Variants in HOOK1 observed in about 807,000 individuals in gnomAD.
HOOK1 encodes hook microtubule tethering protein 1.
HOOK1 carries 60 observed loss-of-function variants against 112.8 expected under a neutral mutation model. The ratio of observed to expected loss-of-function variants is 0.53; its 90% CI spans 0.43 to 0.66. The LOEUF (loss-of-function observed/expected upper bound fraction) is 0.66. Among genes scored for constraint, HOOK1 ranks in the 30% least tolerant of loss-of-function variants. The probability of loss-of-function intolerance (pLI) is 0.00; values close to 1 mark genes in which losing one functional copy is unlikely to be tolerated. For synonymous variants in HOOK1, 294 were observed against 283.8 expected (o/e 1.04, Z -0.36); for missense variants, 770 against 856.0 (o/e 0.90, Z 1.25).
At position 59,855,960 on chromosome 1, in the gene HOOK1, AAATTAT is replaced by A. The variant is rs1221084506; in HGVS notation, c.1243-2467_1243-2462del. On this transcript the variant is annotated intron_variant, in intron 12 of 21. Coordinates refer to ENST00000371208, the MANE Select transcript of HOOK1 (RefSeq NM_015888.6). ...AGCTAATTTATATATATATATATATAAATTATTATATATATATATATATATTTTTTT... is the reference window on the plus strand; with the variant it reads ...AGCTAATTTATATATATATATATATATATATATATATATATATATTTTTTT... Among the ~76,000 whole-genome samples the A allele has an allele frequency of 9.1e-3, 911 of 99,696 alleles. 13 individuals are homozygous for A. The highest frequency in any genetic ancestry group is 0.029 in the African/African-American group (603 of 20,516). 65.4% of individuals were successfully genotyped at this position (99,696 alleles called of 152,430 possible). A position where few individuals can be genotyped will look rare whatever the true frequency, so the allele number is the denominator to read the frequency against.
intron 11 of HOOK1, among the ~76,000 whole-genome samples, chr1:59,848,766 T>C (rs2098405543): frequency 6.6e-6 from 1 of 151,574 alleles, no homozygotes; most frequent in Admixed American, 6.6e-5. Flanking sequence ...TTTATTAGCA[T>C]TTCTGGTAAG....
At position 59,849,167 on chromosome 1, in the gene HOOK1, T is replaced by C. The variant is rs374696616; in HGVS notation, c.1226T>C (p.Leu409Ser). Residue 409 changes from leucine to serine, a missense_variant, in exon 12 of 22, where the codon TTA becomes TCA. Around this residue, in one of 3 missense-constraint regions of HOOK1, gnomAD observed 655 missense variants for 725.9 expected, o/e 0.90. Transcript: ENST00000371208. Reference sequence around the variant, plus strand: ...CGGCTTGAAGAAAAACATGAAGCTTTACTTAAGGAAAAAGAGGTAAACATA... The same window carrying C: ...CGGCTTGAAGAAAAACATGAAGCTTCACTTAAGGAAAAAGAGGTAAACATA... ...MKRLEEKHEALLKEKERLIEQ... is the reference protein window; with the variant it reads ...MKRLEEKHEASLKEKERLIEQ... 1.2e-6 allele frequency: 2 copies of C among 1,604,730 alleles called. No homozygotes were observed. The highest frequency in any genetic ancestry group is 1.7e-6 in the Non-Finnish European group (2 of 1,172,876).
intron 1 of HOOK1, among the ~76,000 whole-genome samples, chr1:59,820,453 T>C (rs1330699501): frequency 6.6e-6 from 1 of 152,204 alleles, no homozygotes; most frequent in Non-Finnish European, 1.5e-5. Context: ...TCCCCAGCCT[T>C]CTTTGCACTG....
intron 3 of HOOK1, among the ~76,000 whole-genome samples, chr1:59,831,794 A>C (rs554140528): frequency 6.6e-6 from 1 of 152,290 alleles, no homozygotes; most frequent in East Asian, 1.9e-4. Context: ...TGTACTACTT[A>C]CTTGTCTAAA....
At chr1:59,852,083 A>G (rs988035849) in intron 12 of HOOK1, among the ~76,000 whole-genome samples, 13 of 151,656 alleles carry the variant, frequency 8.6e-5, no homozygotes, top group African/African-American at 2.4e-4. Context: ...ATTTCATTGA[A>G]GATTTTTCCA....
At chr1:59,819,207 TGGCATGATCTC>T (rs1310857501) in intron 1 of HOOK1, among the ~76,000 whole-genome samples, 2 of 138,542 alleles carry the variant, frequency 1.4e-5, no homozygotes, top group Non-Finnish European at 3.0e-5. Flanking sequence ...TATAGTGCAG[TGGCATGATCTC>T]GGCTCACTGC....
chr1:59,823,139 T>C (rs1052777661), intron 2 of HOOK1, among the ~76,000 whole-genome samples: 1 of 152,148 alleles, frequency 6.6e-6, no homozygotes, highest in Non-Finnish European at 1.5e-5. Flanking sequence ...GCTAACATGG[T>C]GAAACCCCAT....
At chr1:59,866,637 A>G (rs900262517) in intron 19 of HOOK1, among the ~76,000 whole-genome samples, 5 of 152,156 alleles carry the variant, frequency 3.3e-5, no homozygotes, top group Admixed American at 2.0e-4. Flanking sequence ...CCTAGATTGC[A>G]TAGGAGATAT....
chr1:59,818,500 G>A (rs151282907), intron 1 of HOOK1, among the ~76,000 whole-genome samples: 2 of 152,350 alleles, frequency 1.3e-5, no homozygotes, highest in African/African-American at 4.8e-5. Context: ...AAGGGTAAAT[G>A]TGGGTATCAT....
chr1:59,859,780 A>G (rs2098412592), intron 14 of HOOK1, among the ~76,000 whole-genome samples: 1 of 151,992 alleles, frequency 6.6e-6, no homozygotes, highest in Non-Finnish European at 1.5e-5. Context: ...CTCAAACTAT[A>G]GTTTCTTAAA....
intron 13 of HOOK1, 130 bp downstream of exon 13, chr1:59,858,645 G>C (rs2098411930): frequency 1.5e-6 from 1 of 672,938 alleles, no homozygotes; most frequent in African/African-American, 1.8e-5. Context: ...GCTGAGGCGG[G>C]AGGATCACTT....
intron 15 of HOOK1, among the ~76,000 whole-genome samples, chr1:59,861,982 A>G (rs1314237905): frequency 6.6e-6 from 1 of 152,216 alleles, no homozygotes; most frequent in African/African-American, 2.4e-5. Flanking sequence ...TGAAGAGACC[A>G]TTAAATATTA....
rs539366867 is a variant in HOOK1 at position 59,840,768 on chromosome 1, C to G, written c.621+377C>G. 3.3e-5 allele frequency among the ~76,000 whole-genome samples: 5 copies of G among 152,198 alleles called. 1 individual carries two copies. In the South Asian group the frequency reaches 6.2e-4, roughly 19 times the overall value. ...TAAGTGGTACCTGACACTTCCCCCC[C>G]AGTAAATTCAAGTACATGTTCATAT... On this transcript the variant is annotated intron_variant, in intron 8 of 21. Transcript: ENST00000371208.
At chr1:59,827,244 TG>T (rs1411760477) in intron 2 of HOOK1, among the ~76,000 whole-genome samples, 1 of 152,196 alleles carries the variant, frequency 6.6e-6, no homozygotes, top group Admixed American at 6.5e-5. Flanking sequence ...TTCAACTGAT[TG>T]GATGAGACCC....
chr1:59,851,957 T>C (rs952379032), intron 12 of HOOK1, among the ~76,000 whole-genome samples: 1 of 151,700 alleles, frequency 6.6e-6, no homozygotes, highest in Non-Finnish European at 1.5e-5. Flanking sequence ...ATTATATTAA[T>C]ATGATGTATT....
chr1:59,832,188 A>C lies in HOOK1; in HGVS notation c.248A>C (p.Gln83Pro), dbSNP rs760295274. Residue 83 changes from glutamine to proline, a missense_variant, in exon 4 of 22, where the codon CAA becomes CCA. Physicochemically the swap from Gln to Pro is moderately conservative, Grantham distance 76. Transcript: ENST00000371208. ...IKASNVKKVLQGIMSYYHEFL... is the reference protein window; with the variant it reads ...IKASNVKKVLPGIMSYYHEFL... Reference sequence around the variant, plus strand: ...GCCAGTAATGTAAAGAAGGTCCTTCAAGGAATTATGAGTTATTATCATGAG... The same window carrying C: ...GCCAGTAATGTAAAGAAGGTCCTTCCAGGAATTATGAGTTATTATCATGAG... The C allele has an allele frequency of 1.9e-6, 3 of 1,557,738 alleles. No homozygotes were observed. In the African/African-American group the frequency reaches 4.1e-5, roughly 21 times the overall value.
intron 11 of HOOK1, 76 bp from the exon 12 acceptor site, chr1:59,848,997 C>A: frequency 2.7e-6 from 2 of 741,496 alleles, no homozygotes; most frequent in Non-Finnish European, 4.2e-6. Context: ...TTCATTTACT[C>A]AATTCTGAAA....
intron 1 of HOOK1, among the ~76,000 whole-genome samples, chr1:59,818,994 G>T (rs534662416): frequency 2.6e-5 from 4 of 152,204 alleles, no homozygotes; most frequent in African/African-American, 9.6e-5. Context: ...AGAGAGTAAG[G>T]TAATTATTTG....
At chr1:59,820,146 G>A (rs1216728633) in intron 1 of HOOK1, among the ~76,000 whole-genome samples, 1 of 152,104 alleles carries the variant, frequency 6.6e-6, no homozygotes, top group Non-Finnish European at 1.5e-5. Flanking sequence ...GAATCAGTTG[G>A]AGATTTTCTT....
Sources: gnomAD v4.1 joint callset for allele counts (sites outside exome capture counted in the v4.1 genomes callset) on GRCh38, gnomAD v4.1.1 for gene constraint, gnomAD v4.1.1 regional missense constraint, MANE v1.5 for transcripts, NCBI Gene and HGNC (gene_info 2026-07-23, HGNC 2026-07-21) for gene names.